The following HTR7 variants were observed in gnomAD, a reference collection of about 807,000 sequenced individuals.
HTR7 encodes 5-hydroxytryptamine receptor 7, also known as 5-HT-7.
A neutral mutation model predicts 34.0 loss-of-function variants in HTR7; 16 were observed. The ratio of observed to expected loss-of-function variants is 0.47; its 90% CI spans 0.32 to 0.71. The LOEUF (loss-of-function observed/expected upper bound fraction) is 0.71. Among genes scored for constraint, HTR7 ranks in the 30% least tolerant of loss-of-function variants. The pLI is 0.04. For missense variants in HTR7, 504 were observed against 625.5 expected, an observed-to-expected ratio of 0.81 and a Z score of 2.07; for synonymous variants, 265 against 260.2, an observed-to-expected ratio of 1.02 and a Z score of -0.18.
intron 1 of HTR7, among the ~76,000 whole-genome samples, chr10:90,796,781 G>A (rs1845546384): frequency 6.6e-6 from 1 of 152,302 alleles, no homozygotes; most frequent in East Asian, 1.9e-4. Flanking sequence ...GGCCGAGGCA[G>A]GCAGATCACA....
In HTR7 at chr10:90,744,881, A is replaced by G. The variant is rs570232838; in HGVS notation, c.1296-1191T>C. On this transcript the variant is annotated intron_variant, in intron 2 of 3. Coordinates refer to ENST00000336152, the MANE Select transcript of HTR7 (RefSeq NM_019859.4). ...TTCCTGCACCCAAATGCTTAGCTTC[A>G]GCCAGATGGTCCTTTGTATAAGCTC... Among the ~76,000 whole-genome samples, 56 of 152,322 alleles carry G rather than the reference A, an allele frequency of 3.7e-4. No homozygotes were observed. In the South Asian group the frequency reaches 7.5e-3, roughly 20 times the overall value.
At chr10:90,831,999 G>A (rs1006183816) in intron 1 of HTR7, among the ~76,000 whole-genome samples, 1 of 152,210 alleles carries the variant, frequency 6.6e-6, no homozygotes, top group Admixed American at 6.5e-5. Flanking sequence ...GCTGATTGGT[G>A]TGTTTACAAA....
At chr10:90,808,538 GC>G (rs912342974) in intron 1 of HTR7, among the ~76,000 whole-genome samples, 8 of 150,670 alleles carry the variant, frequency 5.3e-5, no homozygotes, top group African/African-American at 9.8e-5. Context: ...TTATTTCCAC[GC>G]CCCAACCTGT....
intron 1 of HTR7, among the ~76,000 whole-genome samples, chr10:90,759,991 C>CAGA (rs1164814315): frequency 6.6e-6 from 1 of 152,192 alleles, no homozygotes; most frequent in East Asian, 1.9e-4. Flanking sequence ...CTTTCAGGAA[C>CAGA]AGATACCTCT....
intron 1 of HTR7, among the ~76,000 whole-genome samples, chr10:90,808,378 G>A (rs967124503): frequency 6.6e-6 from 1 of 151,780 alleles, no homozygotes; most frequent in Non-Finnish European, 1.5e-5. Flanking sequence ...CGCCTTTCTG[G>A]GGGGCAAGAA....
rs1450579269 is a variant in HTR7 at position 90,857,092 on chromosome 10, G to A, written c.539+41C>T. 4.0e-6 allele frequency: 6 copies of A among 1,487,802 alleles called. No homozygotes were observed. The highest frequency in any genetic ancestry group is 5.4e-6 in the Non-Finnish European group (6 of 1,111,452). The allele number at this position is 1,487,802 out of a possible 1,614,324, so 92.2% of individuals were successfully genotyped here. A position where few individuals can be genotyped will look rare whatever the true frequency, so the allele number is the denominator to read the frequency against. ...GCGCGCGGGGCTGAGCTGCCAGCCG[G>A]TCCCCAGCCGGAGCCTGGGACGGGG... is the stretch of plus-strand genomic sequence containing the variant. On this transcript the variant is annotated intron_variant, in intron 1 of 3. Transcript: ENST00000336152. The surrounding 1 kb of genome is among the most constrained non-coding windows in gnomAD (Gnocchi z 6.5).
At chr10:90,855,867 C>T (rs1300158678) in intron 1 of HTR7, among the ~76,000 whole-genome samples, 4 of 152,182 alleles carry the variant, frequency 2.6e-5, no homozygotes, top group African/African-American at 9.7e-5. Context: ...AATGGAGCTA[C>T]AATGTGTTTT....
At chr10:90,848,876 C>A (rs1306750971) in intron 1 of HTR7, among the ~76,000 whole-genome samples, 1 of 152,190 alleles carries the variant, frequency 6.6e-6, no homozygotes, top group Admixed American at 6.5e-5. Flanking sequence ...ACTGTAAATT[C>A]TTAGCCCAAC....
intron 1 of HTR7, among the ~76,000 whole-genome samples, chr10:90,782,057 C>A (rs1456239459): frequency 6.6e-6 from 1 of 152,218 alleles, no homozygotes; most frequent in Non-Finnish European, 1.5e-5. Flanking sequence ...CCTTGGGAGG[C>A]CTGTCATGCA....
intron 1 of HTR7, among the ~76,000 whole-genome samples, chr10:90,768,942 G>A (rs190608132): frequency 4.7e-4 from 71 of 152,268 alleles, no homozygotes; most frequent in African/African-American, 1.6e-3. Flanking sequence ...GCCAAGGCTC[G>A]TGTTCAGTTA....
At chr10:90,770,735 G>A (rs1472613695) in intron 1 of HTR7, among the ~76,000 whole-genome samples, 5 of 152,204 alleles carry the variant, frequency 3.3e-5, no homozygotes, top group South Asian at 2.1e-4. Flanking sequence ...AGGGCAGCTC[G>A]GCACTGGCCT....
chr10:90,774,188 C>G (rs551589497), intron 1 of HTR7, among the ~76,000 whole-genome samples: 14 of 152,246 alleles, frequency 9.2e-5, no homozygotes, highest in African/African-American at 3.4e-4. Flanking sequence ...GAATTTTCCA[C>G]AGAAGATGGC....
intron 1 of HTR7, among the ~76,000 whole-genome samples, chr10:90,804,471 C>T (rs114242967): frequency 0.032 from 4,873 of 152,236 alleles, 231 homozygotes; most frequent in African/African-American, 0.1. Flanking sequence ...TGGGCTGGTA[C>T]GGGTTCATTC....
At chr10:90,768,380 C>T (rs974278120) in intron 1 of HTR7, among the ~76,000 whole-genome samples, 12 of 152,318 alleles carry the variant, frequency 7.9e-5, no homozygotes, top group Middle Eastern at 3.4e-3. Context: ...TTTTCACACA[C>T]TTCGAAGATA....
chr10:90,813,885 G>A (rs72810807), intron 1 of HTR7, among the ~76,000 whole-genome samples: 23 of 152,194 alleles, frequency 1.5e-4, no homozygotes, highest in South Asian at 4.1e-4. Flanking sequence ...TGTAAACATC[G>A]CACCTGGTCC....
At chr10:90,831,231 G>C (rs191902364) in intron 1 of HTR7, among the ~76,000 whole-genome samples, 11 of 152,286 alleles carry the variant, frequency 7.2e-5, no homozygotes, top group Non-Finnish European at 1.2e-4. Flanking sequence ...GACCCTCGCC[G>C]TGAGTGTTAC....
At chr10:90,779,085 G>C (rs1401787926) in intron 1 of HTR7, among the ~76,000 whole-genome samples, 2 of 152,174 alleles carry the variant, frequency 1.3e-5, no homozygotes, top group Non-Finnish European at 2.9e-5. Context: ...TCTCACTGAT[G>C]AAAGGCCAGG....
chr10:90,753,547 G>A (rs1314900397), intron 1 of HTR7, among the ~76,000 whole-genome samples: 3 of 152,114 alleles, frequency 2.0e-5, no homozygotes, highest in South Asian at 4.1e-4. Context: ...ATTCTATTAC[G>A]TTGCTATTGG....
At chr10:90,840,175 T>TCACACACACA (rs1406405693) in intron 1 of HTR7, among the ~76,000 whole-genome samples, 217 of 122,568 alleles carry the variant, frequency 1.8e-3, no homozygotes, top group African/African-American at 5.9e-3. Context: ...TCTCTCTCTC[T>TCACACACACA]CTCACACACA....
Sources: gnomAD v4.1 joint callset for allele counts (sites outside exome capture counted in the v4.1 genomes callset) on GRCh38, gnomAD v4.1.1 for gene constraint, Gnocchi (gnomAD v3.1) non-coding constraint, MANE v1.5 for transcripts, NCBI Gene and HGNC (gene_info 2026-07-23, HGNC 2026-07-21) for gene names.